CC2D2A: variants seen among roughly 807,000 people sequenced by gnomAD.
CC2D2A encodes the protein coiled-coil and C2 domain containing 2A, also known as coiled-coil and C2 domain-containing protein 2A.
Under a neutral mutation model 212.9 loss-of-function variants are expected in CC2D2A, and 155 were observed. The ratio of observed to expected loss-of-function variants is 0.73; its 90% CI spans 0.64 to 0.83. The LOEUF (loss-of-function observed/expected upper bound fraction) is 0.83. Ranked by LOEUF, CC2D2A falls within the 40% of genes least tolerant of loss-of-function variation. The pLI is 0.00. For synonymous variants in CC2D2A, 667 were observed against 686.5 expected, an observed-to-expected ratio of 0.97 and a Z score of 0.44; for missense variants, 1,856 against 1,956.2, an observed-to-expected ratio of 0.95 and a Z score of 0.97.
intron 11 of CC2D2A, among the ~76,000 whole-genome samples, chr4:15,518,522 T>C (rs1717014122): frequency 6.6e-6 from 1 of 152,142 alleles, no homozygotes; most frequent in South Asian, 2.1e-4. Context: ...TTCTTATAGC[T>C]CCACTAGGCA....
intron 11 of CC2D2A, among the ~76,000 whole-genome samples, chr4:15,527,180 C>A (rs1717552464): frequency 6.6e-6 from 1 of 152,184 alleles, no homozygotes; most frequent in Admixed American, 6.6e-5. Flanking sequence ...AGAACTACAA[C>A]TTAGGCAAGT....
At chr4:15,476,512 G>A (rs1003161078) in intron 2 of CC2D2A, among the ~76,000 whole-genome samples, 1 of 152,232 alleles carries the variant, frequency 6.6e-6, no homozygotes, top group African/African-American at 2.4e-5. Flanking sequence ...TATCAGAGAC[G>A]TGGTGGAGAA....
rs374241960 is a variant in CC2D2A at position 15,569,389 on chromosome 4, G to A, written c.3495G>A (p.Glu1165=). Residue 1165 remains glutamate, a splice_region_variant and synonymous_variant, in exon 27 of 37, where the codon GAG becomes GAA. Coordinates refer to ENST00000424120, the MANE Select transcript of CC2D2A (RefSeq NM_001378615.1). ...ATGAAGTACTGCATGATGTCTTAGA[G>A]GTAAGTTCTCAGTTTTAAGAAAGAC... The part of the protein sequence containing the change: ...IFDEVLHDVL[E]DDRERGSGIH... 3.3e-6 allele frequency: 5 copies of A among 1,538,242 alleles called. No homozygotes were observed. Among genetic ancestry groups the A allele is most frequent in the Admixed American group, 1.9e-5 (1 of 52,678 alleles).
At chr4:15,509,940 T>C (rs1264437792) in intron 6 of CC2D2A, among the ~76,000 whole-genome samples, 199 bp from the exon 7 acceptor site, 1 of 152,228 alleles carries the variant, frequency 6.6e-6, no homozygotes, top group Non-Finnish European at 1.5e-5. Flanking sequence ...ACCTCCGTCA[T>C]GCATGCAGTT....
chr4:15,526,735 G>T (rs1190856448), intron 11 of CC2D2A, among the ~76,000 whole-genome samples: 1 of 152,122 alleles, frequency 6.6e-6, no homozygotes, highest in African/African-American at 2.4e-5. Flanking sequence ...CTCCACCCTT[G>T]AGCTCCCACC....
chr4:15,560,997 G>T (rs1022004712), intron 23 of CC2D2A, among the ~76,000 whole-genome samples: 1 of 152,068 alleles, frequency 6.6e-6, no homozygotes, highest in Non-Finnish European at 1.5e-5. Flanking sequence ...CTCTCCTGTC[G>T]CATGGCAGTA....
intron 17 of CC2D2A, among the ~76,000 whole-genome samples, chr4:15,548,660 T>C (rs940677097): frequency 2.0e-5 from 3 of 152,246 alleles, no homozygotes; most frequent in African/African-American, 7.2e-5. Flanking sequence ...GCCAATGAGT[T>C]TGTAATTTAA....
In CC2D2A at chr4:15,527,600, T is replaced by G. The variant is rs1360628707; in HGVS notation, c.1303T>G (p.Tyr435Asp). The G allele has an allele frequency of 3.7e-6, 6 of 1,613,156 alleles. No individual in the cohort carries two copies. Among genetic ancestry groups the G allele is most frequent in the Non-Finnish European group, 5.1e-6 (6 of 1,179,554 alleles). The change falls in exon 12 of 37, where the codon TAT (tyrosine) becomes GAT (aspartate). Residue 435 changes from tyrosine (Y) to aspartate (D), a missense_variant. Coordinates refer to ENST00000424120, the MANE Select transcript of CC2D2A (RefSeq NM_001378615.1). ...HVLAAKLAQL[Y>D]DQYLARHQRN... ...TTTGGCAGCCAAGCTGGCCCAGTTA[T>G]ATGACCAGTACCTTGCAAGACACCA...
At chr4:15,504,146 G>C (rs1232026026) in intron 6 of CC2D2A, among the ~76,000 whole-genome samples, 2 of 152,074 alleles carry the variant, frequency 1.3e-5, no homozygotes, top group Non-Finnish European at 2.9e-5. Flanking sequence ...TCTGTGATGA[G>C]GTGTTATAAA....
chr4:15,547,378 C>A (rs1214066738), intron 17 of CC2D2A, among the ~76,000 whole-genome samples: 1 of 152,122 alleles, frequency 6.6e-6, no homozygotes, highest in African/African-American at 2.4e-5. Context: ...TATAGTAACC[C>A]TACTGTGCTA....
intron 6 of CC2D2A, 80 bp from the exon 7 acceptor site, chr4:15,510,059 G>T (rs1330148103): frequency 1.8e-5 from 19 of 1,028,976 alleles, no homozygotes; most frequent in South Asian, 1.1e-4. Flanking sequence ...CTTTGGGATG[G>T]GGGGGTTAAC....
Position 15,596,065 on chromosome 4 carries a change from T to C in CC2D2A, c.4315-20T>C. The stretch of plus-strand genomic sequence containing the variant: ...GTATACATGCTAACATATATGCTAA[T>C]GTAGTCTTGTCTTTCTTAGATTTGG... On this transcript the variant is annotated intron_variant, in intron 33 of 36. Coordinates refer to ENST00000424120, the MANE Select transcript of CC2D2A (RefSeq NM_001378615.1). The C allele has an allele frequency of 6.5e-7, 1 of 1,530,456 alleles. No homozygotes were observed. Among genetic ancestry groups the C allele is most frequent in the Non-Finnish European group, 8.8e-7 (1 of 1,131,928 alleles). 94.8% of individuals were successfully genotyped at this position (1,530,456 alleles called of 1,614,324 possible).
At chr4:15,592,213 C>T (rs1254111893) in intron 33 of CC2D2A, among the ~76,000 whole-genome samples, 1 of 151,988 alleles carries the variant, frequency 6.6e-6, no homozygotes. Context: ...TTTCTCTCTC[C>T]TCCTCTATCT....
chr4:15,535,593 C>T (rs1718084431), intron 14 of CC2D2A, among the ~76,000 whole-genome samples: 1 of 151,780 alleles, frequency 6.6e-6, no homozygotes, highest in Admixed American at 6.6e-5. Flanking sequence ...GAATGGTTTT[C>T]TGTATATCAG....
At chr4:15,513,767 G>T (rs1273454145) in intron 8 of CC2D2A, among the ~76,000 whole-genome samples, 1 of 152,196 alleles carries the variant, frequency 6.6e-6, no homozygotes, top group East Asian at 1.9e-4. Context: ...GCCATCTGGT[G>T]ATCTTTCTCT....
intron 32 of CC2D2A, among the ~76,000 whole-genome samples, chr4:15,588,294 G>T (rs1720941863): frequency 6.6e-6 from 1 of 152,174 alleles, no homozygotes; most frequent in South Asian, 2.1e-4. Context: ...ATCCAAAGGA[G>T]TGTGTGTGGT....
At chr4:15,575,088 C>G (rs1288545311) in intron 29 of CC2D2A, among the ~76,000 whole-genome samples, 1 of 152,210 alleles carries the variant, frequency 6.6e-6, no homozygotes, top group East Asian at 1.9e-4. Flanking sequence ...TTTATACATA[C>G]TGCCCTCATT....
At chr4:15,557,180 A>G in intron 20 of CC2D2A, 124 bp from the exon 21 acceptor site, 1 of 584,590 alleles carries the variant, frequency 1.7e-6, no homozygotes, top group Non-Finnish European at 3.1e-6. Flanking sequence ...ATTATATTTT[A>G]AAGTATTTTG....
At chr4:15,532,261 T>C (rs1027639797) in intron 13 of CC2D2A, among the ~76,000 whole-genome samples, 25 of 152,168 alleles carry the variant, frequency 1.6e-4, no homozygotes, top group African/African-American at 6.0e-4. Flanking sequence ...CCACTATCAT[T>C]TTCTGCCATC....
Sources: gnomAD v4.1 joint callset for allele counts (sites outside exome capture counted in the v4.1 genomes callset) on GRCh38, gnomAD v4.1.1 for gene constraint, MANE v1.5 for transcripts, NCBI Gene and HGNC (gene_info 2026-07-23, HGNC 2026-07-21) for gene names.